Variants in ZDHHC21 observed in about 807,000 individuals in gnomAD.
ZDHHC21 encodes the protein zDHHC palmitoyltransferase 21.
In ZDHHC21, 15 loss-of-function variants were observed where a neutral mutation model predicts 34.6. That is an observed-to-expected ratio of 0.43 (90% CI 0.29 to 0.67). The LOEUF (loss-of-function observed/expected upper bound fraction) is 0.67. Among genes scored for constraint, ZDHHC21 ranks in the 30% least tolerant of loss-of-function variants. The pLI is 0.14. For missense variants in ZDHHC21, 344 were observed against 327.7 expected (o/e 1.05, Z -0.38); for synonymous variants, 142 against 101.8 (o/e 1.40, Z -2.38).
the ZDHHC21 span, among the ~76,000 whole-genome samples, chr9:14,603,950 G>T: frequency 6.6e-6 from 1 of 152,022 alleles, no homozygotes; most frequent in East Asian, 1.9e-4. Context: ...ATGAATTATT[G>T]AGTTATTAGA....
rs776119218 is a variant in ZDHHC21 at position 14,674,330 on chromosome 9, C to T, written c.11G>A (p.Arg4Gln). 1.9e-6 allele frequency: 3 copies of T among 1,593,532 alleles called. No homozygotes were observed. The highest frequency in any genetic ancestry group is 1.7e-6 in the Non-Finnish European group (2 of 1,172,028). The change falls in exon 4 of 10, where the codon CGG becomes CAG. Residue 4 changes from arginine to glutamine, a missense_variant. By Grantham distance (43) the Arg-to-Gln change is conservative (BLOSUM62 1). Transcript: ENST00000380916. MGL[R>Q]IHFVVDPHGW... Reference sequence around the variant, plus strand: ...ATGTGGGTCAACAACAAAGTGAATCCGGAGACCCATTTTGCAATCTTATAA... The same window carrying T: ...ATGTGGGTCAACAACAAAGTGAATCTGGAGACCCATTTTGCAATCTTATAA...
At chr9:14,677,915 T>G (rs922486370) in intron 3 of ZDHHC21, among the ~76,000 whole-genome samples, 1 of 152,104 alleles carries the variant, frequency 6.6e-6, no homozygotes, top group African/African-American at 2.4e-5. Context: ...AAGATGTAGA[T>G]TTTAGAAAAG....
At chr9:14,663,048 G>C (rs529268829) in intron 5 of ZDHHC21, among the ~76,000 whole-genome samples, 15 of 152,270 alleles carry the variant, frequency 9.9e-5, no homozygotes, top group African/African-American at 3.4e-4. Context: ...GAGTGAAACA[G>C]CACACGATTA....
intron 2 of ZDHHC21, among the ~76,000 whole-genome samples, chr9:14,684,715 A>G (rs1837998743): frequency 6.8e-6 from 1 of 146,734 alleles, no homozygotes; most frequent in African/African-American, 2.4e-5. Context: ...TAAAGCTCAT[A>G]TGGAACCAAA....
At chr9:14,599,309 G>C in the ZDHHC21 span, among the ~76,000 whole-genome samples, 13 of 152,196 alleles carry the variant, frequency 8.5e-5, no homozygotes, top group African/African-American at 2.7e-4. Flanking sequence ...AGCCAAAGCA[G>C]GGTGGGGCAT....
At chr9:14,604,715 C>T in the ZDHHC21 span, among the ~76,000 whole-genome samples, 1 of 152,156 alleles carries the variant, frequency 6.6e-6, no homozygotes, top group African/African-American at 2.4e-5. Context: ...GCAAAAAGCA[C>T]ATGAGATCAA....
chr9:14,646,962 A>G (rs1830370386), intron 7 of ZDHHC21, among the ~76,000 whole-genome samples: 2 of 152,150 alleles, frequency 1.3e-5, no homozygotes, highest in African/African-American at 4.8e-5. Flanking sequence ...AGCTCAACAA[A>G]TATTTATTAA....
chr9:14,628,835 G>T (rs1826790802), intron 8 of ZDHHC21, among the ~76,000 whole-genome samples: 1 of 152,062 alleles, frequency 6.6e-6, no homozygotes, highest in South Asian at 2.1e-4. Flanking sequence ...GTATTTAAGT[G>T]CTAATTTAAT....
rs1489138995 is a variant in ZDHHC21 at position 14,679,113 on chromosome 9, A to G, written c.-46+920T>C. On this transcript the variant is annotated intron_variant, in intron 3 of 9. Transcript: ENST00000380916. ...ATCAAAACTCAGCATATGTACACTT[A>G]AGATTGTTGCATGTCATGGTACGTA... 1.1e-4 allele frequency among the ~76,000 whole-genome samples: 17 copies of G among 152,126 alleles called. 1 individual carries two copies. The highest frequency in any genetic ancestry group is 1.0e-3 in the Admixed American group (16 of 15,244).
At position 14,662,258 on chromosome 9, in the gene ZDHHC21, G is replaced by A. The variant is rs562128759; in HGVS notation, c.322C>T (p.Arg108Cys). The A allele has an allele frequency of 6.2e-6, 10 of 1,612,950 alleles. No homozygotes were observed. The highest frequency in any genetic ancestry group is 2.2e-5 in the East Asian group (1 of 44,816). Residue 108 changes from arginine to cysteine, a missense_variant, in exon 6 of 10, where the codon CGC becomes TGC. Physicochemically the swap from Arg to Cys is radical, Grantham distance 180. Coordinates refer to ENST00000380916, the MANE Select transcript of ZDHHC21 (RefSeq NM_178566.6). Reference sequence around the variant, plus strand: ...ATTCTCCTCACACAGTGGCCGCAGCGGCTACAGTGATGGGAACGCTTTGGT... The same window carrying A: ...ATTCTCCTCACACAGTGGCCGCAGCAGCTACAGTGATGGGAACGCTTTGGT... Reference protein sequence around the residue: ...MRPKRSHHCSRCGHCVRRMDH... With the variant: ...MRPKRSHHCSCCGHCVRRMDH...
At chr9:14,653,805 C>A (rs1242946152) in intron 7 of ZDHHC21, among the ~76,000 whole-genome samples, 1 of 151,962 alleles carries the variant, frequency 6.6e-6, no homozygotes, top group Non-Finnish European at 1.5e-5. Flanking sequence ...ATTTTTTAAA[C>A]AAAATGCTAT....
At chr9:14,592,064 A>G in the ZDHHC21 span, among the ~76,000 whole-genome samples, 1 of 152,066 alleles carries the variant, frequency 6.6e-6, no homozygotes, top group Non-Finnish European at 1.5e-5. Context: ...GTACAATTGG[A>G]TGTCTGCATG....
chr9:14,687,002 G>A (rs1471086802), intron 2 of ZDHHC21, among the ~76,000 whole-genome samples: 1 of 148,602 alleles, frequency 6.7e-6, no homozygotes, highest in African/African-American at 2.5e-5. Context: ...CAATGTTAAA[G>A]AGCTGCTACC....
Position 14,640,026 on chromosome 9 carries a change from G to GAA in ZDHHC21, c.505-16_505-15dup. On this transcript the variant is annotated splice_polypyrimidine_tract_variant and intron_variant, in intron 7 of 9. Coordinates refer to ENST00000380916, the MANE Select transcript of ZDHHC21 (RefSeq NM_178566.6). ...AACAAAGAGGTCCTAAAAAGAAAAA[G>GAA]AAAGTCTTAAAAACCATTCAGAGTT... The GAA allele has an allele frequency of 6.5e-7, 1 of 1,546,486 alleles. No individual in the cohort carries two copies. The highest frequency in any genetic ancestry group is 8.8e-7 in the Non-Finnish European group (1 of 1,131,320).
At chr9:14,658,681 C>G (rs1832791976) in intron 7 of ZDHHC21, 68 bp downstream of exon 7, 1 of 1,334,602 alleles carries the variant, frequency 7.5e-7, no homozygotes, top group Admixed American at 1.8e-5. Flanking sequence ...CCGTGTTAGC[C>G]AGGATGGTCT....
chr9:14,655,335 A>G (rs1405425351), intron 7 of ZDHHC21, among the ~76,000 whole-genome samples: 2 of 152,000 alleles, frequency 1.3e-5, no homozygotes, highest in Non-Finnish European at 2.9e-5. Flanking sequence ...GTTCCAAGAG[A>G]CTTGCACTAA....
At chr9:14,603,026 G>A in the ZDHHC21 span, among the ~76,000 whole-genome samples, 3 of 151,142 alleles carry the variant, frequency 2.0e-5, no homozygotes, top group African/African-American at 7.3e-5. Context: ...ACAGGTCCGC[G>A]TTTCCTGGAG....
chr9:14,669,321 T>G (rs945093252), intron 5 of ZDHHC21, among the ~76,000 whole-genome samples: 1 of 143,190 alleles, frequency 7.0e-6, no homozygotes, highest in African/African-American at 2.5e-5. Flanking sequence ...TCACACCAGT[T>G]AGAATGGCGA....
intron 7 of ZDHHC21, among the ~76,000 whole-genome samples, chr9:14,649,720 C>G (rs1356465662): frequency 6.6e-6 from 1 of 152,018 alleles, no homozygotes; most frequent in Non-Finnish European, 1.5e-5. Context: ...ATGCAATTGT[C>G]TTACAGAGCG....
Sources: allele counts gnomAD v4.1 joint callset (sites outside exome capture counted in the v4.1 genomes callset), GRCh38; gene constraint gnomAD v4.1.1; transcripts MANE v1.5; gene names NCBI Gene and HGNC (gene_info 2026-07-23, HGNC 2026-07-21).